The following ROBO2 variants were observed in gnomAD, a reference collection of about 807,000 sequenced individuals.
The protein encoded by ROBO2 is roundabout guidance receptor 2, also known as roundabout homolog 2.
ROBO2 carries 53 observed loss-of-function variants against 160.8 expected under a neutral mutation model. The observed-to-expected ratio is 0.33, with a 90% CI of 0.26 to 0.41. ROBO2 has a LOEUF of 0.41. ROBO2 is among the 10% of genes least tolerant of loss of function. ROBO2 has a pLI of 1.00. For missense variants in ROBO2, 1,577 were observed against 1,722.4 expected, an observed-to-expected ratio of 0.92 and a Z score of 1.49; for synonymous variants, 664 against 611.7, an observed-to-expected ratio of 1.09 and a Z score of -1.26.
chr3:76,913,023 A>G (rs1242288875), intron 2 of ROBO2, among the ~76,000 whole-genome samples: 2 of 152,176 alleles, frequency 1.3e-5, no homozygotes, highest in Admixed American at 6.5e-5. Flanking sequence ...AAGCATAAAC[A>G]GGAAAGAAAT....
At chr3:76,696,086 G>A (rs564233079) in intron 2 of ROBO2, among the ~76,000 whole-genome samples, 21 of 152,204 alleles carry the variant, frequency 1.4e-4, no homozygotes, top group Middle Eastern at 6.8e-3. Context: ...TTCTTAGCCA[G>A]TTTCAAATAT....
intron 2 of ROBO2, among the ~76,000 whole-genome samples, chr3:76,106,076 C>T (rs190791844): frequency 4.6e-5 from 7 of 152,148 alleles, no homozygotes; most frequent in East Asian, 1.9e-4. Context: ...AATGATCTCT[C>T]GAGATAATGT....
At chr3:77,260,753 A>T (rs2058722443) in intron 2 of ROBO2, among the ~76,000 whole-genome samples, 1 of 152,162 alleles carries the variant, frequency 6.6e-6, no homozygotes, top group Non-Finnish European at 1.5e-5. Context: ...TTGTCAGGAG[A>T]GTCAATCCTG....
At chr3:77,456,964 C>G (rs141318770) in intron 2 of ROBO2, among the ~76,000 whole-genome samples, 51 of 152,270 alleles carry the variant, frequency 3.3e-4, no homozygotes, top group African/African-American at 1.2e-3. Context: ...CTTTCTGTCT[C>G]AAGGGTACCA....
intron 2 of ROBO2, among the ~76,000 whole-genome samples, chr3:76,397,027 G>A (rs1156643484): frequency 6.6e-6 from 1 of 152,102 alleles, no homozygotes; most frequent in Non-Finnish European, 1.5e-5. Context: ...TCAATCCTAA[G>A]CCAAAAGAAC....
chr3:77,345,331 C>A (rs767471887), intron 2 of ROBO2, among the ~76,000 whole-genome samples: 5 of 152,046 alleles, frequency 3.3e-5, no homozygotes, highest in African/African-American at 7.2e-5. Flanking sequence ...AGAAACATGG[C>A]AGACTTGGAA....
intron 1 of ROBO2, among the ~76,000 whole-genome samples, chr3:75,922,051 C>G (rs1420003994): frequency 1.3e-5 from 2 of 152,262 alleles, no homozygotes; most frequent in African/African-American, 4.8e-5. Flanking sequence ...GACTGTCATG[C>G]TTGAATTCGC....
At chr3:76,581,934 A>T (rs13066290) in intron 2 of ROBO2, among the ~76,000 whole-genome samples, 1 of 152,202 alleles carries the variant, frequency 6.6e-6, no homozygotes, top group Non-Finnish European at 1.5e-5. Context: ...TAAAATTATT[A>T]CAGTAATTGA....
At chr3:76,798,297 A>AAAGAAAGG (rs2063916945) in intron 2 of ROBO2, among the ~76,000 whole-genome samples, 1 of 151,242 alleles carries the variant, frequency 6.6e-6, no homozygotes, top group African/African-American at 2.4e-5. Context: ...AGAAAGAAAG[A>AAAGAAAGG]AAGAAAGAAA....
At chr3:76,380,332 AAGTAC>A (rs1217956627) in intron 2 of ROBO2, among the ~76,000 whole-genome samples, 4 of 152,168 alleles carry the variant, frequency 2.6e-5, no homozygotes, top group African/African-American at 9.7e-5. Flanking sequence ...AGTACTTGCA[AAGTAC>A]TATAAAAGAT....
intron 2 of ROBO2, among the ~76,000 whole-genome samples, chr3:77,350,496 C>T (rs1358652186): frequency 1.3e-5 from 2 of 152,074 alleles, no homozygotes; most frequent in Admixed American, 1.3e-4. Context: ...CAAAATCAAC[C>T]ACTCCAGAAC....
chr3:76,037,662 A>T (rs912061861), intron 2 of ROBO2, among the ~76,000 whole-genome samples: 2 of 152,020 alleles, frequency 1.3e-5, no homozygotes, highest in African/African-American at 4.8e-5. Context: ...AACAACAACA[A>T]AAAAATAGGA....
At chr3:75,944,751 AG>A (rs1948206222) in intron 2 of ROBO2, among the ~76,000 whole-genome samples, 1 of 152,178 alleles carries the variant, frequency 6.6e-6, no homozygotes, top group South Asian at 2.1e-4. Flanking sequence ...GGATTTTCAT[AG>A]TTAATTATGT....
At chr3:76,120,486 T>C (rs942207156) in intron 2 of ROBO2, among the ~76,000 whole-genome samples, 5 of 152,224 alleles carry the variant, frequency 3.3e-5, no homozygotes, top group African/African-American at 7.2e-5. Flanking sequence ...CTTCTGTTGG[T>C]TTCTATATGG....
chr3:77,065,395 T>G (rs2149796317), intron 1 of ROBO2, among the ~76,000 whole-genome samples: 1 of 152,352 alleles, frequency 6.6e-6, no homozygotes, highest in Middle Eastern at 3.4e-3. Context: ...TCTTCAAAAT[T>G]AATTGTGAAA....
chr3:76,852,212 A>G (rs1180150411), intron 2 of ROBO2, among the ~76,000 whole-genome samples: 1 of 152,200 alleles, frequency 6.6e-6, no homozygotes, highest in Non-Finnish European at 1.5e-5. Context: ...AAAGCATTTT[A>G]GTGAATGTTT....
intron 2 of ROBO2, among the ~76,000 whole-genome samples, chr3:76,277,522 C>T (rs1385940810): frequency 6.6e-6 from 1 of 151,856 alleles, no homozygotes; most frequent in African/African-American, 2.4e-5. Flanking sequence ...TAGGGATGCT[C>T]AGCTTTTGGT....
At chr3:77,571,917 G>C (rs2093646568) in intron 13 of ROBO2, among the ~76,000 whole-genome samples, 1 of 150,052 alleles carries the variant, frequency 6.7e-6, no homozygotes. Context: ...AAAAAAAAAT[G>C]CATTGCCACT....
chr3:77,564,155 A>T (rs191240522), intron 11 of ROBO2, among the ~76,000 whole-genome samples: 1 of 152,266 alleles, frequency 6.6e-6, no homozygotes, highest in African/African-American at 2.4e-5. Context: ...AAATTTCAAA[A>T]TACTACGTTT....
Sources: allele counts gnomAD v4.1 joint callset (sites outside exome capture counted in the v4.1 genomes callset), GRCh38; gene constraint gnomAD v4.1.1; transcripts MANE v1.5; gene names NCBI Gene and HGNC (gene_info 2026-07-23, HGNC 2026-07-21).